Variants in RNF17 observed in about 807,000 individuals in gnomAD.
RNF17 encodes ring finger protein 17, also known as spermatogenesis associated 23.
A neutral mutation model predicts 200.5 loss-of-function variants in RNF17; 31 were observed. That is an observed-to-expected ratio of 0.15 (90% confidence interval 0.12 to 0.21). The LOEUF (loss-of-function observed/expected upper bound fraction) is 0.21, where lower values mean the gene tolerates loss of function less well. RNF17 is among the 10% of genes least tolerant of loss of function. The probability of loss-of-function intolerance (pLI) is 1.00; values close to 1 mark genes in which losing one functional copy is unlikely to be tolerated. For synonymous variants in RNF17, 606 were observed against 637.8 expected (o/e 0.95, Z 0.75); for missense variants, 1,628 against 1,905.1 (o/e 0.85, Z 2.71).
chr13:24,803,530 C>T (rs1885503437), intron 14 of RNF17, among the ~76,000 whole-genome samples: 1 of 152,178 alleles, frequency 6.6e-6, no homozygotes, highest in African/African-American at 2.4e-5. Flanking sequence ...AACTCCTGCC[C>T]ACCTTGGCCT....
rs1304221541 is a variant in RNF17 at position 24,859,089 on chromosome 13, A to C, written c.3699A>C (p.Glu1233Asp). The change falls in exon 26 of 36, where the codon GAA (glutamate) becomes GAC (aspartate). Residue 1233 changes from glutamate to aspartate, a missense_variant. Physicochemically the swap from Glu to Asp is conservative, Grantham distance 45. Around this residue, in one of 5 missense-constraint regions of RNF17, gnomAD observed 609 missense variants for 681.9 expected, o/e 0.89. Transcript: ENST00000255324. ...LLEPYFWKKG[E>D]ACAVRGSDTL... ...AGCCTTATTTCTGGAAAAAAGGAGA[A>C]GCATGTGCAGTAAGAGGATCCGATA... 4 of 1,613,404 alleles carry C rather than the reference A, an allele frequency of 2.5e-6. No homozygotes were observed. In the South Asian group the frequency reaches 4.4e-5, roughly 18 times the overall value.
intron 15 of RNF17, 85 bp downstream of exon 15, chr13:24,804,514 AT>A: frequency 9.3e-7 from 1 of 1,073,926 alleles, no homozygotes; most frequent in Non-Finnish European, 1.3e-6. Context: ...TCTACCGTCA[AT>A]TTTAGTCAGA....
intron 5 of RNF17, 42 bp downstream of exon 5, chr13:24,779,789 A>G: frequency 7.0e-7 from 1 of 1,427,790 alleles, no homozygotes; most frequent in Non-Finnish European, 9.9e-7. Context: ...GAAGTGAAGC[A>G]TGTCCTCTTT....
chr13:24,828,959 C>G (rs1889069784), intron 16 of RNF17, among the ~76,000 whole-genome samples: 1 of 151,794 alleles, frequency 6.6e-6, no homozygotes, highest in African/African-American at 2.4e-5. Context: ...TAGGCACTTG[C>G]CACCACGCCT....
the RNF17 span, among the ~76,000 whole-genome samples, chr13:24,755,955 T>C: frequency 1.3e-5 from 2 of 152,204 alleles, no homozygotes; most frequent in African/African-American, 4.8e-5. Flanking sequence ...GCAAACACAT[T>C]TGAAATCACC....
intron 15 of RNF17, among the ~76,000 whole-genome samples, chr13:24,811,040 G>A (rs1886543290): frequency 6.6e-6 from 1 of 152,028 alleles, no homozygotes; most frequent in South Asian, 2.1e-4. Flanking sequence ...TCCCTTTGAG[G>A]GTAACCCGAC....
At chr13:24,780,100 A>G (rs1447692960) in intron 5 of RNF17, among the ~76,000 whole-genome samples, 1 of 152,106 alleles carries the variant, frequency 6.6e-6, no homozygotes, top group Non-Finnish European at 1.5e-5. Flanking sequence ...CTTCCAAAAG[A>G]GACTCTCTCA....
intron 24 of RNF17, 135 bp downstream of exon 24, chr13:24,851,706 G>C (rs894235374): frequency 1.7e-6 from 1 of 588,150 alleles, no homozygotes; most frequent in African/African-American, 1.9e-5. Flanking sequence ...ACCCTGAGGA[G>C]CCAGCTCAGA....
intron 15 of RNF17, among the ~76,000 whole-genome samples, chr13:24,813,033 C>T (rs1381742596): frequency 6.6e-6 from 1 of 152,162 alleles, no homozygotes; most frequent in Non-Finnish European, 1.5e-5. Context: ...TTTTGATCTG[C>T]ATTTCCCTAA....
At chr13:24,877,283 T>A in intron 34 of RNF17, 97 bp downstream of exon 34, 1 of 909,596 alleles carries the variant, frequency 1.1e-6, no homozygotes, top group Admixed American at 2.5e-5. Flanking sequence ...TGCGAGAGTA[T>A]ACTAAAGCAT....
intron 26 of RNF17, among the ~76,000 whole-genome samples, chr13:24,859,417 G>T (rs1297929461): frequency 1.3e-5 from 2 of 152,092 alleles, no homozygotes; most frequent in Non-Finnish European, 2.9e-5. Flanking sequence ...GTTGTAATTG[G>T]TAGCCCTGTT....
intron 11 of RNF17, among the ~76,000 whole-genome samples, chr13:24,798,145 T>G (rs989793309): frequency 2.0e-5 from 3 of 152,212 alleles, no homozygotes; most frequent in Non-Finnish European, 4.4e-5. Flanking sequence ...CACACTTGTT[T>G]CAGTATTTAA....
downstream of RNF17, chr13:24,883,250 T>G (rs1440589180): frequency 6.2e-7 from 1 of 1,614,152 alleles, no homozygotes. Context: ...GTACTTCGTT[T>G]CTTGATGACC....
At chr13:24,832,057 A>G in intron 18 of RNF17, 79 bp downstream of exon 18, 1 of 1,051,854 alleles carries the variant, frequency 9.5e-7, no homozygotes. Context: ...AAATTTTAGA[A>G]TAAATTCAGT....
At chr13:24,881,839 T>A (rs1953834318), downstream of RNF17, among the ~76,000 whole-genome samples, 2 of 128,168 alleles carry the variant, frequency 1.6e-5, no homozygotes, top group African/African-American at 5.4e-5. Context: ...TCTATATAGA[T>A]ATATAGATAC....
rs568854184 is a variant in RNF17 at position 24,806,717 on chromosome 13, A to G, written c.2091+2288A>G. Among the ~76,000 whole-genome samples, 51 of 151,826 alleles carry G rather than the reference A, an allele frequency of 3.4e-4. 1 individual carries two copies. In the South Asian group the frequency reaches 0.01, roughly 31 times the overall value. ...CAATGTGCAGGTTAGTTACATATGTATACATGTGCCATGCTGGTGCGCTGC... is the reference window on the plus strand; with the variant it reads ...CAATGTGCAGGTTAGTTACATATGTGTACATGTGCCATGCTGGTGCGCTGC... On this transcript the variant is annotated intron_variant, in intron 15 of 35. Transcript: ENST00000255324.
chr13:24,786,952 T>C (rs919940017), intron 6 of RNF17, among the ~76,000 whole-genome samples: 1 of 152,150 alleles, frequency 6.6e-6, no homozygotes, highest in Admixed American at 6.5e-5. Context: ...ATGCATACAT[T>C]AGTCTGCTTG....
chr13:24,825,546 T>A, intron 15 of RNF17, 73 bp from the exon 16 acceptor site: 1 of 906,242 alleles, frequency 1.1e-6, no homozygotes, highest in Non-Finnish European at 1.7e-6. Context: ...TCAATGACAG[T>A]GCTTGTAATT....
chr13:24,771,328 T>TC (rs1880653959), intron 2 of RNF17, among the ~76,000 whole-genome samples: 1 of 84,928 alleles, frequency 1.2e-5, no homozygotes, highest in Non-Finnish European at 2.3e-5. Context: ...ATAATCTTTT[T>TC]TTTTTTTTTT....
Sources: gnomAD v4.1 joint callset for allele counts (sites outside exome capture counted in the v4.1 genomes callset) on GRCh38, gnomAD v4.1.1 for gene constraint, gnomAD v4.1.1 regional missense constraint, MANE v1.5 for transcripts, NCBI Gene and HGNC (gene_info 2026-07-23, HGNC 2026-07-21) for gene names.